JAK3: variants seen among roughly 807,000 people sequenced by gnomAD.
The protein encoded by JAK3 is Janus kinase 3.
In JAK3, 88 loss-of-function variants were observed where a neutral mutation model predicts 120.8. That is an observed-to-expected ratio of 0.73 (90% CI 0.61 to 0.87). The LOEUF is 0.87. Ranked by LOEUF, JAK3 falls within the 40% of genes least tolerant of loss-of-function variation. JAK3 has a pLI of 0.00. For synonymous variants in JAK3, 592 were observed against 628.6 expected, an observed-to-expected ratio of 0.94 and a Z score of 0.87; for missense variants, 1,254 against 1,501.4, an observed-to-expected ratio of 0.84 and a Z score of 2.72.
intron 23 of JAK3, among the ~76,000 whole-genome samples, chr19:17,827,604 C>A (rs1483951329): frequency 6.6e-6 from 1 of 151,562 alleles, no homozygotes; most frequent in Non-Finnish European, 1.5e-5. Flanking sequence ...ACCTCGGCCT[C>A]CTAAAGGGCT....
chr19:17,832,912 C>G lies in JAK3; in HGVS notation c.2368G>C (p.Asp790His), dbSNP rs2147679189. ...LISSDYELLS[D>H]PTPGALAPRD... is the part of the protein sequence containing the mutation. Reference sequence around the variant, plus strand: ...GGTGCCAGGGCACCAGGTGTGGGGTCTGAGAGGAGCTCATAGTCTGGGGTG... The same window carrying G: ...GGTGCCAGGGCACCAGGTGTGGGGTGTGAGAGGAGCTCATAGTCTGGGGTG... Residue 790 changes from aspartate to histidine, a missense_variant, in exon 18 of 24, where the codon GAC becomes CAC. Asp to His is a moderately conservative substitution (Grantham distance 81, BLOSUM62 -1). Transcript: ENST00000458235. The surrounding 1 kb of genome is among the most constrained non-coding windows in gnomAD (Gnocchi z 4.7). The G allele has an allele frequency of 6.2e-7, 1 of 1,613,940 alleles. No individual in the cohort carries two copies. The highest frequency in any genetic ancestry group is 1.1e-5 in the South Asian group (1 of 91,048).
In JAK3 at chr19:17,843,134, G is replaced by T; in HGVS notation, c.459C>A (p.Gly153=). Residue 153 remains glycine, a synonymous_variant, in exon 5 of 24, where the codon GGC becomes GGA. Transcript: ENST00000458235. This position sits in a 1 kb window ranked among gnomAD's most constrained non-coding sequence, Gnocchi z 5.4. ...SDLVSGRLPV[G]LSLKEQGECL... The stretch of plus-strand genomic sequence containing the variant: ...ACTCACCCTGCTCCTTGAGACTGAG[G>T]CCCACGGGGAGGCGCCCACTCACCA... The T allele has an allele frequency of 1.2e-6, 2 of 1,608,810 alleles. No individual in the cohort carries two copies. The highest frequency in any genetic ancestry group is 1.7e-6 in the Non-Finnish European group (2 of 1,179,748).
At position 17,830,130 on chromosome 19, in the gene JAK3, G is replaced by A. The variant is rs2094211050; in HGVS notation, c.3185C>T (p.Ala1062Val). Residue 1062 changes from alanine (A) to valine (V), a missense_variant, in exon 23 of 24, where the codon GCG (alanine) becomes GTG (valine). Ala to Val is a moderately conservative substitution (Grantham distance 64). Coordinates refer to ENST00000458235, the MANE Select transcript of JAK3 (RefSeq NM_000215.4). Reference protein sequence around the residue: ...ELLEEGQRLPAPPACPAEVHE... With the variant: ...ELLEEGQRLPVPPACPAEVHE... ...CACCTCAGCAGGGCAGGCAGGAGGC[G>A]CCGGCAGCCTCTGGCCCTCCTCCAG... 1 of 1,584,188 alleles carries A rather than the reference G, an allele frequency of 6.3e-7. No individual in the cohort carries two copies. Among genetic ancestry groups the A allele is most frequent in the African/African-American group, 1.3e-5 (1 of 74,436 alleles).
chr19:17,834,068 C>T (rs901564252), intron 17 of JAK3, among the ~76,000 whole-genome samples: 6 of 152,036 alleles, frequency 3.9e-5, no homozygotes, highest in African/African-American at 1.2e-4. Flanking sequence ...ATGAAATAGA[C>T]CAGACATGGT....
rs536358097 is a variant in JAK3, at chr19:17,830,035, C to T, written c.3207+73G>A. ...TTTCTTCTCAGTACAGAGACTCAGG[C>T]GCCAGCTGGCTTGCCCGAGACCCCG... On this transcript the variant is annotated intron_variant, in intron 23 of 23. Transcript: ENST00000458235. The T allele has an allele frequency of 7.5e-5, 82 of 1,092,050 alleles. No individual in the cohort carries two copies. The East Asian group carries it at 2.0e-3, about 26-fold the overall frequency. 67.6% of individuals were successfully genotyped at this position (1,092,050 alleles called of 1,614,324 possible). A position where few individuals can be genotyped will look rare whatever the true frequency, so the allele number is the denominator to read the frequency against.
Position 17,841,537 on chromosome 19 carries a change from ACTCGGC to A in JAK3, c.988_993del (p.Ala330_Glu331del). ...GACAGAGCCTCGGGCAGCCCTGGGAACTCGGCCTCCTGCGAGGGACAAGCGTCAGAG... is the reference window on the plus strand; with the variant it reads ...GACAGAGCCTCGGGCAGCCCTGGGAACTCCTGCGAGGGACAAGCGTCAGAG... On this transcript the variant is annotated inframe_deletion, in exon 8 of 24. Transcript: ENST00000458235. The surrounding 1 kb of genome is among the most constrained non-coding windows in gnomAD (Gnocchi z 4.1). The A allele has an allele frequency of 6.3e-7, 1 of 1,590,268 alleles. No individual in the cohort carries two copies. Among genetic ancestry groups the A allele is most frequent in the South Asian group, 1.1e-5 (1 of 88,546 alleles).
Position 17,842,650 on chromosome 19 carries a change from G to A in JAK3, c.567-40C>T, listed in dbSNP as rs1171298829. 4 of 1,511,672 alleles carry A rather than the reference G, an allele frequency of 2.6e-6. No individual in the cohort carries two copies. The African/African-American group carries it at 4.1e-5, about 16-fold the overall frequency. The allele number at this position is 1,511,672 out of a possible 1,614,324, so 93.6% of individuals were successfully genotyped here. A position where few individuals can be genotyped will look rare whatever the true frequency, so the allele number is the denominator to read the frequency against. ...GGGGAGGGAGCCGGCCCTCAGCGTC[G>A]GGAGGGGTCCCCGCGGGGACACACA... On this transcript the variant is annotated intron_variant, in intron 5 of 23. Transcript: ENST00000458235. This position sits in a 1 kb window ranked among gnomAD's most constrained non-coding sequence, Gnocchi z 6.4.
rs145377049 is a variant in JAK3, at chr19:17,834,972, G to A, written c.2079C>T (p.Pro693=). Residue 693 remains proline (P), a synonymous_variant, in exon 16 of 24, where the codon CCC becomes CCT. Coordinates refer to ENST00000458235, the MANE Select transcript of JAK3 (RefSeq NM_000215.4). Reference sequence around the variant, plus strand: ...GTGTCTGCGCCTCCCGGAGACACTCGGGGGCCACCCAGGGGATCCTGTCGG... The same window carrying A: ...GTGTCTGCGCCTCCCGGAGACACTCAGGGGCCACCCAGGGGATCCTGTCGG... ...MLTDRIPWVA[P]ECLREAQTLS... is the part of the protein sequence containing the mutation. 1.6e-4 allele frequency: 252 copies of A among 1,614,140 alleles called. No individual in the cohort carries two copies. The African/African-American group carries it at 2.9e-3, about 18-fold the overall frequency.
rs1444555183 is a variant in JAK3 at position 17,835,250 on chromosome 19, G to T, written c.1915-35C>A. ...CCAGACACAGGAAAATGCCCGGGAG[G>T]GTTTGATGAATGAAGAGTCTGTTTG... On this transcript the variant is annotated intron_variant, in intron 14 of 23. Coordinates refer to ENST00000458235, the MANE Select transcript of JAK3 (RefSeq NM_000215.4). 1.9e-6 allele frequency: 3 copies of T among 1,608,432 alleles called. No individual in the cohort carries two copies. In the East Asian group the frequency reaches 6.7e-5, roughly 36 times the overall value.
At position 17,835,992 on chromosome 19, in the gene JAK3, C is replaced by T; in HGVS notation, c.1846G>A (p.Gly616Ser). 5 of 1,614,138 alleles carry T rather than the reference C, an allele frequency of 3.1e-6. No homozygotes were observed. The highest frequency in any genetic ancestry group is 4.2e-6 in the Non-Finnish European group (5 of 1,180,034). The stretch of plus-strand genomic sequence containing the variant: ...TTCCAGCTGGCTGGCACCAGGTGGC[C>T]ACGTTTTCGCAGATACATGTCTATG... ...GAIDMYLRKR[G>S]HLVPASWKLQ... The change falls in exon 14 of 24, where the codon GGC becomes AGC. Residue 616 changes from glycine (G) to serine (S), a missense_variant. Gly to Ser is a moderately conservative substitution (Grantham distance 56, BLOSUM62 0). This residue lies in a region of JAK3 where 630 missense variants were observed against 819.8 expected (regional missense o/e 0.77). Transcript: ENST00000458235.
At position 17,841,910 on chromosome 19, in the gene JAK3, C is replaced by T; in HGVS notation, c.862-148G>A. Reference sequence around the variant, plus strand: ...CGCGCCCCCTCCTATCAACTCCAACCTCTCAACACCTCCCCTACCCATCCC... The same window carrying T: ...CGCGCCCCCTCCTATCAACTCCAACTTCTCAACACCTCCCCTACCCATCCC... On this transcript the variant is annotated intron_variant, in intron 6 of 23. Transcript: ENST00000458235. The surrounding 1 kb of genome is among the most constrained non-coding windows in gnomAD (Gnocchi z 4.1). The T allele has an allele frequency of 9.9e-7, 1 of 1,007,260 alleles. No homozygotes were observed. Among genetic ancestry groups the T allele is most frequent in the Admixed American group, 2.2e-5 (1 of 45,128 alleles). The allele number at this position is 1,007,260 out of a possible 1,614,324, so 62.4% of individuals were successfully genotyped here.
Position 17,831,720 on chromosome 19 carries a change from C to A in JAK3, c.2759G>T (p.Arg920Leu), listed in dbSNP as rs761651756. 1 of 1,611,504 alleles carries A rather than the reference C, an allele frequency of 6.2e-7. No individual in the cohort carries two copies. Among genetic ancestry groups the A allele is most frequent in the South Asian group, 1.1e-5 (1 of 90,878 alleles). ...LRDFLQRHRA[R>L]LDASRLLLYS... ...GAGAAGGAGGCGGCTGGCATCGAGGCGCGCGCGGTGCCGCTGCAGGAAGTC... is the reference window on the plus strand; with the variant it reads ...GAGAAGGAGGCGGCTGGCATCGAGGAGCGCGCGGTGCCGCTGCAGGAAGTC... The change falls in exon 20 of 24, where the codon CGC becomes CTC. Residue 920 changes from arginine (R) to leucine (L), a missense_variant. Transcript: ENST00000458235. The surrounding 1 kb of genome is among the most constrained non-coding windows in gnomAD (Gnocchi z 5.1).
In JAK3 at chr19:17,837,309, G is replaced by A. The variant is rs572390955; in HGVS notation, c.1702-96C>T. 7 of 912,010 alleles carry A rather than the reference G, an allele frequency of 7.7e-6. No individual in the cohort carries two copies. The East Asian group carries it at 1.8e-4, about 24-fold the overall frequency. 56.5% of individuals were successfully genotyped at this position (912,010 alleles called of 1,614,324 possible). Reference sequence around the variant, plus strand: ...ACAGACCTGCCTTAGGGGAACACCTGGCCACAGGTCACCTTTGGCCCTGGA... The same window carrying A: ...ACAGACCTGCCTTAGGGGAACACCTAGCCACAGGTCACCTTTGGCCCTGGA... On this transcript the variant is annotated intron_variant, in intron 12 of 23. Transcript: ENST00000458235.
chr19:17,845,060 AAAAC>A (rs773933112), intron 1 of JAK3, among the ~76,000 whole-genome samples: 1 of 152,200 alleles, frequency 6.6e-6, no homozygotes, highest in Non-Finnish European at 1.5e-5. Flanking sequence ...AGTGTTGGGA[AAAAC>A]AAACAAAAAC....
In JAK3 at chr19:17,844,252, G is replaced by A. The variant is rs2147700780; in HGVS notation, c.166C>T (p.Gln56Ter). 1 of 1,599,848 alleles carries A rather than the reference G, an allele frequency of 6.3e-7. No homozygotes were observed. The change falls in exon 2 of 24, where the codon CAG (glutamine) becomes TAG (stop). Residue 56 changes from glutamine (Q) to a stop codon, truncating the protein, a stop_gained. Transcript: ENST00000458235. LOFTEE classifies it high-confidence loss of function. ...CACTCACCGCTGGCCTTGGCAGCCT[G>A]CACGCACAGGTCCTCAGCCAAGTGG... The part of the protein sequence containing the change: ...GDHLAEDLCV[Q>*]AAKASGILPV...
Position 17,834,700 on chromosome 19 carries a change from G to T in JAK3, c.2221C>A (p.Arg741=). The T allele has an allele frequency of 6.2e-7, 1 of 1,613,996 alleles. No individual in the cohort carries two copies. The highest frequency in any genetic ancestry group is 8.5e-7 in the Non-Finnish European group (1 of 1,180,008). Residue 741 remains arginine (R), a synonymous_variant, in exon 17 of 24, where the codon CGG becomes AGG. Transcript: ENST00000458235. ...PAKKLQFYED[R]QQLPAPKWTE... Reference sequence around the variant, plus strand: ...CACTTGGGGGCCGGCAGCTGCTGCCGGTCCTCATAAAATTGGAGTTTCTGA... The same window carrying T: ...CACTTGGGGGCCGGCAGCTGCTGCCTGTCCTCATAAAATTGGAGTTTCTGA...
At position 17,837,205 on chromosome 19, in the gene JAK3, C is replaced by T. The variant is rs3212755; in HGVS notation, c.1710G>A (p.Leu570=). Residue 570 remains leucine (L), a synonymous_variant, in exon 13 of 24, where the codon CTG becomes CTA. Transcript: ENST00000458235. ...CTTGGCTCATCAAGCTCGCTGCTTCCAGGAATGACTGGGGAAGGTGGGAAG... is the reference window on the plus strand; with the variant it reads ...CTTGGCTCATCAAGCTCGCTGCTTCTAGGAATGACTGGGGAAGGTGGGAAG... ...AKHKNCMESF[L]EAASLMSQVS... 264 of 1,567,270 alleles carry T rather than the reference C, an allele frequency of 1.7e-4. No homozygotes were observed. The African/African-American group carries it at 3.3e-3, about 20-fold the overall frequency.
chr19:17,842,627 G>C lies in JAK3; in HGVS notation c.567-17C>G, dbSNP rs763128788. ...GCCTTGTAGCTGCAGGGGTTGGAGGGGAGGGAGCCGGCCCTCAGCGTCGGG... is the reference window on the plus strand; with the variant it reads ...GCCTTGTAGCTGCAGGGGTTGGAGGCGAGGGAGCCGGCCCTCAGCGTCGGG... On this transcript the variant is annotated splice_polypyrimidine_tract_variant and intron_variant, in intron 5 of 23. Coordinates refer to ENST00000458235, the MANE Select transcript of JAK3 (RefSeq NM_000215.4). This position sits in a 1 kb window ranked among gnomAD's most constrained non-coding sequence, Gnocchi z 6.4. 2 of 1,546,226 alleles carry C rather than the reference G, an allele frequency of 1.3e-6. No homozygotes were observed. Among genetic ancestry groups the C allele is most frequent in the East Asian group, 4.7e-5 (2 of 42,448 alleles).
chr19:17,839,764 G>A (rs1230736970), intron 9 of JAK3, 101 bp from the exon 10 acceptor site: 7 of 1,003,168 alleles, frequency 7.0e-6, no homozygotes, highest in East Asian at 5.3e-5. Flanking sequence ...TTTTGGAGAC[G>A]GAGTCTGGCT....
Sources: gnomAD v4.1 joint callset for allele counts (sites outside exome capture counted in the v4.1 genomes callset) on GRCh38, gnomAD v4.1.1 for gene constraint, gnomAD v4.1.1 regional missense constraint, Gnocchi (gnomAD v3.1) non-coding constraint, MANE v1.5 for transcripts, NCBI Gene and HGNC (gene_info 2026-07-23, HGNC 2026-07-21) for gene names.